The following SPECC1 variants were observed in gnomAD, a reference collection of about 807,000 sequenced individuals.
SPECC1 encodes the protein sperm antigen with calponin homology and coiled-coil domains 1, also known as cytospin-B.
A neutral mutation model predicts 104.1 loss-of-function variants in SPECC1; 62 were observed. The ratio of observed to expected loss-of-function variants is 0.60; its 90% CI spans 0.49 to 0.74. The LOEUF (loss-of-function observed/expected upper bound fraction) is 0.74, where lower values mean the gene tolerates loss of function less well. SPECC1 is among the 30% of genes least tolerant of loss of function. The probability of loss-of-function intolerance (pLI) is 0.00; values close to 1 mark genes in which losing one functional copy is unlikely to be tolerated. For synonymous variants in SPECC1, 513 were observed against 501.6 expected (o/e 1.02, Z -0.30); for missense variants, 1,306 against 1,310.5 (o/e 1.00, Z 0.05).
intron 12 of SPECC1, among the ~76,000 whole-genome samples, chr17:20,286,569 A>T (rs1439717114): frequency 6.6e-6 from 1 of 152,078 alleles, no homozygotes; most frequent in Admixed American, 6.5e-5. Flanking sequence ...TTTCACCTCC[A>T]TCCAGGGGTA....
intron 12 of SPECC1, among the ~76,000 whole-genome samples, chr17:20,272,443 C>T (rs1376778396): frequency 6.6e-6 from 1 of 152,064 alleles, no homozygotes; most frequent in Non-Finnish European, 1.5e-5. Context: ...AGTTCAGTAT[C>T]GTTGAGTATG....
At chr17:20,231,004 G>GT (rs2038538085) in intron 5 of SPECC1, among the ~76,000 whole-genome samples, 1 of 152,168 alleles carries the variant, frequency 6.6e-6, no homozygotes, top group African/African-American at 2.4e-5. Flanking sequence ...AATGCTCTAG[G>GT]TTAGAGCATG....
intron 3 of SPECC1, among the ~76,000 whole-genome samples, chr17:20,178,876 A>T (rs1456326596): frequency 6.6e-6 from 1 of 152,230 alleles, no homozygotes; most frequent in Non-Finnish European, 1.5e-5. Flanking sequence ...TTAAAAGACA[A>T]TTGCTGGACT....
intron 12 of SPECC1, among the ~76,000 whole-genome samples, chr17:20,284,497 T>C (rs1246674904): frequency 6.6e-6 from 1 of 152,236 alleles, no homozygotes; most frequent in Non-Finnish European, 1.5e-5. Context: ...TGGATGTGTG[T>C]GTACACTTGT....
intron 3 of SPECC1, among the ~76,000 whole-genome samples, chr17:20,128,164 T>C (rs2049417321): frequency 6.6e-6 from 1 of 152,200 alleles, no homozygotes; most frequent in South Asian, 2.1e-4. Flanking sequence ...ATTGCTGCCT[T>C]AAGCTTGAAT....
intron 14 of SPECC1, 124 bp from the exon 15 acceptor site, chr17:20,313,852 G>A (rs554781410): frequency 4.3e-5 from 36 of 836,964 alleles, no homozygotes; most frequent in South Asian, 1.6e-4. Flanking sequence ...TGGCCTTCAC[G>A]TTCTGTCTGT....
intron 10 of SPECC1, among the ~76,000 whole-genome samples, chr17:20,255,832 A>T (rs2039805339): frequency 6.6e-6 from 1 of 152,024 alleles, no homozygotes; most frequent in Non-Finnish European, 1.5e-5. Flanking sequence ...TTGGCCTCCC[A>T]AAGCGCTGGG....
At chr17:20,292,605 T>C (rs886085531) in intron 12 of SPECC1, among the ~76,000 whole-genome samples, 1 of 152,148 alleles carries the variant, frequency 6.6e-6, no homozygotes, top group South Asian at 2.1e-4. Context: ...TACAAACCTC[T>C]TCAGAAAGTG....
At position 20,100,961 on chromosome 17, in the gene SPECC1, C is replaced by T. The variant is rs149350141; in HGVS notation, c.147+4163C>T. Among the ~76,000 whole-genome samples the T allele has an allele frequency of 5.4e-4, 82 of 152,300 alleles. 1 individual carries two copies. The East Asian group carries it at 6.9e-3, about 13-fold the overall frequency. ...TTAGTTTGCTGAGAATGATGGCTTC[C>T]AGCTTCATCCATGTCCCTGCAAAGG... On this transcript the variant is annotated intron_variant, in intron 2 of 14. Transcript: ENST00000395527.
intron 3 of SPECC1, among the ~76,000 whole-genome samples, chr17:20,146,157 C>T (rs2031439336): frequency 6.6e-6 from 1 of 152,266 alleles, no homozygotes; most frequent in East Asian, 1.9e-4. Context: ...TCCACCATTA[C>T]AGAGTCATAC....
At chr17:20,030,443 C>T (rs991827579) in intron 1 of SPECC1, among the ~76,000 whole-genome samples, 12 of 151,376 alleles carry the variant, frequency 7.9e-5, no homozygotes, top group African/African-American at 2.9e-4. Context: ...TTTTTAAGTT[C>T]CCTGTTATAT....
chr17:20,238,883 T>C (rs780921198), intron 7 of SPECC1: 40 of 1,043,104 alleles, frequency 3.8e-5, no homozygotes, highest in Non-Finnish European at 4.6e-5. Flanking sequence ...AACATGTTAT[T>C]ATATAGAAGC....
At chr17:20,146,368 A>G (rs1400977073) in intron 3 of SPECC1, among the ~76,000 whole-genome samples, 1 of 152,188 alleles carries the variant, frequency 6.6e-6, no homozygotes, top group Non-Finnish European at 1.5e-5. Context: ...AGGTTCCTCC[A>G]TGTCTTTTTG....
chr17:20,281,362 C>G (rs931168475), intron 12 of SPECC1, among the ~76,000 whole-genome samples: 6 of 152,178 alleles, frequency 3.9e-5, no homozygotes, highest in Non-Finnish European at 5.9e-5. Flanking sequence ...GTGGCTCGCC[C>G]TTTCCTGAAG....
chr17:20,026,811 T>C (rs900904065), intron 1 of SPECC1, among the ~76,000 whole-genome samples: 1 of 152,224 alleles, frequency 6.6e-6, no homozygotes, highest in Non-Finnish European at 1.5e-5. Flanking sequence ...GTAGTAGGGT[T>C]GCTGGATCAT....
At chr17:20,244,290 G>C (rs1412499665) in intron 7 of SPECC1, among the ~76,000 whole-genome samples, 1 of 152,156 alleles carries the variant, frequency 6.6e-6, no homozygotes, top group Non-Finnish European at 1.5e-5. Context: ...GGCTAGCACA[G>C]ACCGAGGAAA....
At chr17:20,156,030 G>C (rs2032454405) in intron 3 of SPECC1, 3 of 1,278,724 alleles carry the variant, frequency 2.3e-6, no homozygotes, top group African/African-American at 1.6e-5. Context: ...CGGGAGAGCA[G>C]CGGCTCCGCC....
chr17:20,116,756 T>A (rs2048774275), intron 3 of SPECC1, among the ~76,000 whole-genome samples: 1 of 151,022 alleles, frequency 6.6e-6, no homozygotes, highest in South Asian at 2.1e-4. Context: ...GGGGGACGAT[T>A]TTGTCCCCCA....
intron 2 of SPECC1, among the ~76,000 whole-genome samples, chr17:20,099,731 A>G (rs1413017711): frequency 6.7e-6 from 1 of 150,296 alleles, no homozygotes; most frequent in African/African-American, 2.4e-5. Context: ...CCCACAAAAT[A>G]TATAAAATAA....
Sources: gnomAD v4.1 joint callset for allele counts (sites outside exome capture counted in the v4.1 genomes callset) on GRCh38, gnomAD v4.1.1 for gene constraint, MANE v1.5 for transcripts, NCBI Gene and HGNC (gene_info 2026-07-23, HGNC 2026-07-21) for gene names.